The following PIGU variants were observed in gnomAD, a reference collection of about 807,000 sequenced individuals.
The protein encoded by PIGU is GPI-anchor transamidase component PIGU.
PIGU carries 24 observed loss-of-function variants against 49.9 expected under a neutral mutation model. That is an observed-to-expected ratio of 0.48 (90% CI 0.35 to 0.68). The LOEUF (loss-of-function observed/expected upper bound fraction) is 0.68, where lower values mean the gene tolerates loss of function less well. Ranked by LOEUF, PIGU falls within the 30% of genes least tolerant of loss-of-function variation. The pLI is 0.01. For synonymous variants in PIGU, 220 were observed against 205.7 expected (o/e 1.07, Z -0.59); for missense variants, 490 against 532.6 (o/e 0.92, Z 0.79).
chr20:34,623,519 G>T (rs1002959630), intron 6 of PIGU, among the ~76,000 whole-genome samples: 4 of 152,144 alleles, frequency 2.6e-5, no homozygotes, highest in Non-Finnish European at 5.9e-5. Flanking sequence ...TAATGAAACT[G>T]AAAGACAGAG....
chr20:34,668,270 C>T (rs1987165406), intron 1 of PIGU, among the ~76,000 whole-genome samples: 1 of 151,834 alleles, frequency 6.6e-6, no homozygotes, highest in African/African-American at 2.4e-5. Flanking sequence ...CGATACCAGC[C>T]TGGCCAGCAT....
At chr20:34,590,255 C>T (rs1983900830) in intron 7 of PIGU, among the ~76,000 whole-genome samples, 1 of 151,946 alleles carries the variant, frequency 6.6e-6, no homozygotes, top group African/African-American at 2.4e-5. Context: ...AACTGTATAA[C>T]TAAAAATCAT....
intron 6 of PIGU, among the ~76,000 whole-genome samples, chr20:34,619,133 A>G (rs953347381): frequency 2.6e-5 from 4 of 152,234 alleles, no homozygotes; most frequent in African/African-American, 7.2e-5. Context: ...GCTAGAAGTA[A>G]TAGGACAGAA....
At chr20:34,624,910 A>G (rs535144315) in intron 6 of PIGU, among the ~76,000 whole-genome samples, 1 of 152,308 alleles carries the variant, frequency 6.6e-6, no homozygotes, top group Admixed American at 6.5e-5. Flanking sequence ...AGCAAGCAGC[A>G]AGAGTCAAGG....
intron 1 of PIGU, among the ~76,000 whole-genome samples, chr20:34,672,606 A>G (rs1987341192): frequency 6.6e-6 from 1 of 152,164 alleles, no homozygotes; most frequent in East Asian, 1.9e-4. Context: ...TAATCCCAGC[A>G]CTTTGGGAGG....
At chr20:34,666,471 A>C (rs923837253) in intron 1 of PIGU, among the ~76,000 whole-genome samples, 3 of 150,804 alleles carry the variant, frequency 2.0e-5, no homozygotes, top group Admixed American at 6.6e-5. Flanking sequence ...TTTGATAAAG[A>C]CTCTCAACTC....
At chr20:34,626,356 G>A (rs1165998935) in intron 6 of PIGU, among the ~76,000 whole-genome samples, 1 of 148,982 alleles carries the variant, frequency 6.7e-6, no homozygotes, top group Non-Finnish European at 1.5e-5. Context: ...AGGCTGGAGT[G>A]CAATGGCGTG....
At chr20:34,659,408 G>A (rs1356184632) in intron 1 of PIGU, among the ~76,000 whole-genome samples, 4 of 129,864 alleles carry the variant, frequency 3.1e-5, no homozygotes, top group East Asian at 2.3e-4. Context: ...CCGGCCAGCC[G>A]CCCGGTCCGG....
chr20:34,670,189 C>T (rs952535581), intron 1 of PIGU, among the ~76,000 whole-genome samples: 6 of 108,376 alleles, frequency 5.5e-5, no homozygotes, highest in Admixed American at 1.5e-4. Flanking sequence ...TTTGTAATAA[C>T]GGCTTTTTTT....
intron 11 of PIGU, among the ~76,000 whole-genome samples, chr20:34,571,578 C>A (rs897526755): frequency 6.6e-6 from 1 of 152,098 alleles, no homozygotes; most frequent in Non-Finnish European, 1.5e-5. Flanking sequence ...CAGGCACCTT[C>A]CTAGCTCACA....
At chr20:34,613,109 A>C (rs937806070) in intron 7 of PIGU, among the ~76,000 whole-genome samples, 1 of 151,764 alleles carries the variant, frequency 6.6e-6, no homozygotes, top group African/African-American at 2.4e-5. Flanking sequence ...AGCCAATTCT[A>C]CCTCCTAGAA....
At chr20:34,643,800 CAA>C (rs749414414) in intron 4 of PIGU, 19 of 45,118 alleles carry the variant, frequency 4.2e-4, no homozygotes, top group Non-Finnish European at 6.7e-4. Context: ...TCTTCCTATG[CAA>C]AAAAAAAAAA....
At chr20:34,662,489 G>A (rs1600670109) in intron 1 of PIGU, among the ~76,000 whole-genome samples, 1 of 149,582 alleles carries the variant, frequency 6.7e-6, no homozygotes, top group East Asian at 2.0e-4. Flanking sequence ...TCTGCCTCCT[G>A]GGTTCAAGCA....
At chr20:34,606,071 C>T (rs1009371160) in intron 7 of PIGU, among the ~76,000 whole-genome samples, 4 of 151,732 alleles carry the variant, frequency 2.6e-5, no homozygotes, top group African/African-American at 4.8e-5. Context: ...CTGGCCAACA[C>T]GGTGAAACCC....
At chr20:34,605,201 A>C (rs569486094) in intron 7 of PIGU, among the ~76,000 whole-genome samples, 1 of 152,298 alleles carries the variant, frequency 6.6e-6, no homozygotes, top group South Asian at 2.1e-4. Flanking sequence ...TCAGAGAAAG[A>C]GTTGAGTTGC....
chr20:34,568,258 G>A (rs1488919351), intron 11 of PIGU, among the ~76,000 whole-genome samples: 5 of 152,174 alleles, frequency 3.3e-5, no homozygotes, highest in Admixed American at 2.0e-4. Context: ...CTGTCACTCT[G>A]GTTGTTGGGG....
chr20:34,594,083 G>A (rs1194261386), intron 7 of PIGU, among the ~76,000 whole-genome samples: 1 of 149,332 alleles, frequency 6.7e-6, no homozygotes, highest in Non-Finnish European at 1.5e-5. Context: ...AGGCTGAAGT[G>A]AGAGGATCAC....
At chr20:34,600,477 T>C (rs1226053437) in intron 7 of PIGU, among the ~76,000 whole-genome samples, 1 of 151,762 alleles carries the variant, frequency 6.6e-6, no homozygotes, top group East Asian at 1.9e-4. Flanking sequence ...AAGGCATCCA[T>C]AGATAAATTC....
At chr20:34,597,985 A>G (rs148593778) in intron 7 of PIGU, among the ~76,000 whole-genome samples, 2,097 of 152,232 alleles carry the variant, frequency 0.014, 53 homozygotes, top group African/African-American at 0.048. Flanking sequence ...GTGGTGGATC[A>G]CCTGAGCCCA....
Sources: gnomAD v4.1 joint callset for allele counts (sites outside exome capture counted in the v4.1 genomes callset) on GRCh38, gnomAD v4.1.1 for gene constraint, MANE v1.5 for transcripts, NCBI Gene and HGNC (gene_info 2026-07-23, HGNC 2026-07-21) for gene names.